SFSWAP: variants seen among roughly 807,000 people sequenced by gnomAD.
SFSWAP encodes splicing factor, suppressor of white-apricot homolog.
In SFSWAP, 17 loss-of-function variants were observed where a neutral mutation model predicts 100.7. That is an observed-to-expected ratio of 0.17 (90% CI 0.12 to 0.25). The LOEUF is 0.25. Among genes scored for constraint, SFSWAP ranks in the 10% least tolerant of loss-of-function variants. The probability of loss-of-function intolerance (pLI) is 1.00; values close to 1 mark genes in which losing one functional copy is unlikely to be tolerated. For missense variants in SFSWAP, 1,005 were observed against 1,262.6 expected, an observed-to-expected ratio of 0.80 and a Z score of 3.09; for synonymous variants, 504 against 510.1, an observed-to-expected ratio of 0.99 and a Z score of 0.16.
In SFSWAP at chr12:131,730,040, C is replaced by A. The variant is rs1482500881; in HGVS notation, c.1081+1612C>A. ...TTAAATCAAGTCATATCAAATTTCA[C>A]TGAATGTTCAAATCAGAGGTCAGCT... On this transcript the variant is annotated intron_variant, in intron 7 of 17. Coordinates refer to ENST00000261674, the MANE Select transcript of SFSWAP (RefSeq NM_004592.4). This position sits in a 1 kb window ranked among gnomAD's most constrained non-coding sequence, Gnocchi z 4.0. 6.6e-6 allele frequency among the ~76,000 whole-genome samples: 1 copy of A among 152,342 alleles called. No homozygotes were observed. Among genetic ancestry groups the A allele is most frequent in the East Asian group, 1.9e-4 (1 of 5,188 alleles).
At chr12:131,746,842 C>T (rs1038099000) in intron 7 of SFSWAP, among the ~76,000 whole-genome samples, 9 of 152,238 alleles carry the variant, frequency 5.9e-5, no homozygotes, top group African/African-American at 1.9e-4. Flanking sequence ...TGCTGGCTCA[C>T]GCCTATAATC....
intron 14 of SFSWAP, among the ~76,000 whole-genome samples, chr12:131,779,943 C>T (rs1262466856): frequency 2.6e-5 from 4 of 152,188 alleles, no homozygotes; most frequent in African/African-American, 4.8e-5. Flanking sequence ...TGTGCCACCA[C>T]GCCCAGCTAA....
chr12:131,753,460 C>CAT, intron 8 of SFSWAP, 97 bp downstream of exon 8: 1 of 1,441,038 alleles, frequency 6.9e-7, no homozygotes, highest in Admixed American at 2.6e-5. Flanking sequence ...TAATCTAGAT[C>CAT]ATATACAGGG....
At chr12:131,763,833 A>G (rs982605057) in intron 11 of SFSWAP, among the ~76,000 whole-genome samples, 10 of 145,160 alleles carry the variant, frequency 6.9e-5, no homozygotes, top group Admixed American at 6.8e-4. Context: ...TTTTTTTTTT[A>G]AAGAAAAATG....
intron 7 of SFSWAP, among the ~76,000 whole-genome samples, chr12:131,748,330 T>G (rs1304279999): frequency 6.6e-6 from 1 of 152,036 alleles, no homozygotes; most frequent in Non-Finnish European, 1.5e-5. Flanking sequence ...AATATTTTTT[T>G]GTATTTTTTA....
At chr12:131,776,499 C>G (rs1884036187) in intron 13 of SFSWAP, among the ~76,000 whole-genome samples, 1 of 152,364 alleles carries the variant, frequency 6.6e-6, no homozygotes, top group South Asian at 2.1e-4. Flanking sequence ...TGCTTTTGAT[C>G]TCAAAGCCAA....
intron 7 of SFSWAP, among the ~76,000 whole-genome samples, chr12:131,748,573 T>C (rs1288917334): frequency 6.6e-6 from 1 of 152,252 alleles, no homozygotes; most frequent in East Asian, 1.9e-4. Context: ...AGTTCTGTTC[T>C]GTGTGTTAAA....
At chr12:131,757,222 G>A (rs1458980664) in intron 11 of SFSWAP, 3 of 153,166 alleles carry the variant, frequency 2.0e-5, no homozygotes, top group Non-Finnish European at 4.4e-5. Flanking sequence ...GGGAGGTTCT[G>A]TGGAGTAGAG....
chr12:131,772,920 C>T (rs1488280639), intron 13 of SFSWAP, among the ~76,000 whole-genome samples: 3 of 152,168 alleles, frequency 2.0e-5, no homozygotes, highest in Non-Finnish European at 4.4e-5. Context: ...CAAGGGGGTA[C>T]AGCAGGAAGA....
chr12:131,718,879 T>C (rs1453646753), intron 3 of SFSWAP, among the ~76,000 whole-genome samples: 1 of 152,170 alleles, frequency 6.6e-6, no homozygotes, highest in Non-Finnish European at 1.5e-5. Context: ...CACTTGGCCC[T>C]GGGAGTGGAT....
intron 7 of SFSWAP, among the ~76,000 whole-genome samples, chr12:131,735,534 T>A (rs957017474): frequency 1.3e-5 from 2 of 152,212 alleles, no homozygotes; most frequent in African/African-American, 4.8e-5. Flanking sequence ...GATACTGCCA[T>A]CGAAGGTCTC....
intron 14 of SFSWAP, among the ~76,000 whole-genome samples, chr12:131,779,655 TTA>T (rs1461834635): frequency 6.6e-6 from 1 of 152,224 alleles, no homozygotes; most frequent in African/African-American, 2.4e-5. Flanking sequence ...GTGTTAGCTC[TTA>T]TGTTTCTGTG....
At position 131,711,143 on chromosome 12, in the gene SFSWAP, C is replaced by G. The variant is rs932052345; in HGVS notation, c.-87C>G. On this transcript the variant is annotated 5_prime_UTR_variant, in exon 1 of 18. Transcript: ENST00000261674. The surrounding 1 kb of genome is among the most constrained non-coding windows in gnomAD (Gnocchi z 4.9). ...TGAGGTTGGGTACGGGATGCGGGGT[C>G]TTTGACTGAAGGGGTAGGCCAAGTG... 1.8e-6 allele frequency: 2 copies of G among 1,130,290 alleles called. No homozygotes were observed. The highest frequency in any genetic ancestry group is 2.6e-5 in the East Asian group (1 of 38,498). 70.0% of individuals were successfully genotyped at this position (1,130,290 alleles called of 1,614,324 possible). A position where few individuals can be genotyped will look rare whatever the true frequency, so the allele number is the denominator to read the frequency against.
chr12:131,726,164 A>C (rs1355245660), intron 5 of SFSWAP, among the ~76,000 whole-genome samples: 1 of 146,038 alleles, frequency 6.8e-6, no homozygotes, highest in Non-Finnish European at 1.5e-5. Flanking sequence ...ATTCATATAT[A>C]TGTATATATA....
In SFSWAP at chr12:131,733,796, G is replaced by A. The variant is rs1230499164; in HGVS notation, c.1081+5368G>A. Among the ~76,000 whole-genome samples, 4 of 152,102 alleles carry A rather than the reference G, an allele frequency of 2.6e-5. No individual in the cohort carries two copies. The highest frequency in any genetic ancestry group is 4.4e-5 in the Non-Finnish European group (3 of 68,002). ...CCGAGGTGTGCAGAGTGTGTGTTCA[G>A]GCTTGTCTTCCTGCCGCAGCGCAGC... On this transcript the variant is annotated intron_variant, in intron 7 of 17. Coordinates refer to ENST00000261674, the MANE Select transcript of SFSWAP (RefSeq NM_004592.4). This position sits in a 1 kb window ranked among gnomAD's most constrained non-coding sequence, Gnocchi z 5.1.
chr12:131,748,193 C>T (rs552255379), intron 7 of SFSWAP, among the ~76,000 whole-genome samples: 21 of 151,030 alleles, frequency 1.4e-4, no homozygotes, highest in African/African-American at 4.4e-4. Context: ...TACTTATCTC[C>T]ATAGAACTCT....
rs978361250 is a variant in SFSWAP at position 131,794,406 on chromosome 12, G to A, written c.2535-2772G>A. On this transcript the variant is annotated intron_variant, in intron 15 of 17. Transcript: ENST00000261674. The surrounding 1 kb of genome is among the most constrained non-coding windows in gnomAD (Gnocchi z 4.8). ...AAAAAAATTAGCCATTTGTGGTGGC[G>A]TCTGCCTGTCGTCCCAGCTACTTGG... is the stretch of plus-strand genomic sequence containing the variant. Among the ~76,000 whole-genome samples the A allele has an allele frequency of 4.0e-5, 6 of 151,510 alleles. No individual in the cohort carries two copies. Among genetic ancestry groups the A allele is most frequent in the South Asian group, 2.1e-4 (1 of 4,796 alleles).
chr12:131,737,115 G>C (rs969105671), intron 7 of SFSWAP, among the ~76,000 whole-genome samples: 2 of 152,228 alleles, frequency 1.3e-5, no homozygotes, highest in Non-Finnish European at 2.9e-5. Context: ...TCCCTCTGGT[G>C]TGCTCTCGCG....
chr12:131,764,577 A>G lies in SFSWAP; in HGVS notation c.1842A>G (p.Gln614=). The G allele has an allele frequency of 1.2e-6, 2 of 1,614,262 alleles. No individual in the cohort carries two copies. Among genetic ancestry groups the G allele is most frequent in the Non-Finnish European group, 1.7e-6 (2 of 1,180,042 alleles). The change falls in exon 12 of 18, where the codon CAA becomes CAG. Residue 614 remains glutamine (Q), a synonymous_variant. Transcript: ENST00000261674. The stretch of plus-strand genomic sequence containing the variant: ...ATGATGAAGAAAGCAAAGAAGGCCA[A>G]GAAAGTTCTAGTAGTGCTGCAAACA... ...SDDDEESKEG[Q]ESSSSAANTN... is the part of the protein sequence containing the mutation.
Sources: gnomAD v4.1 joint callset for allele counts (sites outside exome capture counted in the v4.1 genomes callset) on GRCh38, gnomAD v4.1.1 for gene constraint, Gnocchi (gnomAD v3.1) non-coding constraint, MANE v1.5 for transcripts, NCBI Gene and HGNC (gene_info 2026-07-23, HGNC 2026-07-21) for gene names.